NLRP9: variants seen among roughly 807,000 people sequenced by gnomAD.
NLRP9 encodes the protein NACHT, LRR and PYD domains-containing protein 9.
In NLRP9, 88 loss-of-function variants were observed where a neutral mutation model predicts 83.1. The ratio of observed to expected loss-of-function variants is 1.06; its 90% CI spans 0.89 to 1.26. The LOEUF (loss-of-function observed/expected upper bound fraction) is 1.26. NLRP9 is among the 50% of genes most tolerant of loss of function. NLRP9 has a pLI of 0.00. For missense variants in NLRP9, 1,308 were observed against 1,179.3 expected (o/e 1.11, Z -1.60); for synonymous variants, 521 against 447.6 (o/e 1.16, Z -2.07).
intron 5 of NLRP9, among the ~76,000 whole-genome samples, 189 bp from the exon 6 acceptor site, chr19:55,715,414 G>A (rs1987971455): frequency 6.6e-6 from 1 of 152,158 alleles, no homozygotes; most frequent in African/African-American, 2.4e-5. Context: ...GCTGGGTGCG[G>A]TGCCTCACGC....
intron 4 of NLRP9, among the ~76,000 whole-genome samples, chr19:55,722,576 G>A (rs957554855): frequency 3.9e-5 from 6 of 152,186 alleles, no homozygotes; most frequent in Non-Finnish European, 8.8e-5. Context: ...AGAGAGAAGA[G>A]CATATTCTCT....
chr19:55,709,911 C>G (rs572857718), intron 8 of NLRP9: 5 of 152,286 alleles, frequency 3.3e-5, no homozygotes, highest in Admixed American at 2.6e-4. Context: ...CTAACATTTG[C>G]AATTCTCTTC....
chr19:55,733,610 T>C (rs1342828078), intron 1 of NLRP9, 60 bp from the exon 2 acceptor site: 1 of 1,030,084 alleles, frequency 9.7e-7, no homozygotes, highest in South Asian at 1.6e-5. Context: ...TTTATACTTC[T>C]GAGAACTGTA....
chr19:55,712,096 G>A (rs192550268), intron 7 of NLRP9, 126 bp from the exon 8 acceptor site: 1 of 952,366 alleles, frequency 1.1e-6, no homozygotes, highest in African/African-American at 1.6e-5. Context: ...GGGCTTCTCA[G>A]CCAGGACGAT....
In NLRP9 at chr19:55,711,827, T is replaced by C. The variant is rs546026386; in HGVS notation, c.2816A>G (p.His939Arg). 4.3e-6 allele frequency: 7 copies of C among 1,613,260 alleles called. 1 individual carries two copies. In the Admixed American group the frequency reaches 1.2e-4, roughly 27 times the overall value. ...AVVVLCEALS[H>R]PDCALQMLGL... ...CAGCATCTGCAGGGCACAGTCCGGG[T>C]GGCTCAATGCCTCACACAGCACCAC... Residue 939 changes from histidine (H) to arginine (R), a missense_variant, in exon 8 of 9, where the codon CAC (histidine) becomes CGC (arginine). Physicochemically the swap from His to Arg is conservative, Grantham distance 29. Transcript: ENST00000332836.
intron 3 of NLRP9, among the ~76,000 whole-genome samples, chr19:55,726,716 T>C (rs61403851): frequency 6.6e-6 from 1 of 152,186 alleles, no homozygotes; most frequent in African/African-American, 2.4e-5. Flanking sequence ...GTGATGGCAG[T>C]TGAATGATAC....
At chr19:55,717,975 C>A (rs1312005219) in intron 4 of NLRP9, among the ~76,000 whole-genome samples, 2 of 152,302 alleles carry the variant, frequency 1.3e-5, no homozygotes, top group Admixed American at 6.5e-5. Flanking sequence ...ATAAGAAACT[C>A]CACTTTGATC....
chr19:55,716,373 C>T (rs971911779), intron 5 of NLRP9, among the ~76,000 whole-genome samples: 1 of 151,634 alleles, frequency 6.6e-6, no homozygotes, highest in Non-Finnish European at 1.5e-5. Flanking sequence ...ATTCTCCTGC[C>T]TCAGCCTCCC....
At chr19:55,729,778 G>A in intron 3 of NLRP9, 53 bp downstream of exon 3, 1 of 1,490,440 alleles carries the variant, frequency 6.7e-7, no homozygotes, top group Non-Finnish European at 9.2e-7. Flanking sequence ...GGCCACAGTA[G>A]AGAGAAGGAA....
intron 7 of NLRP9, 65 bp downstream of exon 7, chr19:55,712,355 C>T: frequency 2.2e-6 from 3 of 1,378,030 alleles, no homozygotes; most frequent in South Asian, 2.5e-5. Context: ...TTCTATTGAC[C>T]CTCCAGCAAT....
In NLRP9 at chr19:55,729,844, G is replaced by C. The variant is rs745892292; in HGVS notation, c.1981C>G (p.Leu661Val). The change falls in exon 3 of 9, where the codon CTC becomes GTC. Residue 661 changes from leucine to valine, a missense_variant. Leu to Val is a conservative substitution (Grantham distance 32, BLOSUM62 1). Coordinates refer to ENST00000332836, the MANE Select transcript of NLRP9 (RefSeq NM_176820.4). ...CATAAAACTTACATGAGTTTTCGGA[G>C]TTTACAAACAGGCTGAGCCAGCGCT... ...CKALAQPVCK[L>V]RKLIFTSVYF... is the part of the protein sequence containing the mutation. The C allele has an allele frequency of 1.9e-6, 3 of 1,612,076 alleles. No individual in the cohort carries two copies. The highest frequency in any genetic ancestry group is 2.5e-6 in the Non-Finnish European group (3 of 1,179,300).
chr19:55,723,632 G>A (rs1988299513), intron 4 of NLRP9, among the ~76,000 whole-genome samples: 1 of 151,476 alleles, frequency 6.6e-6, no homozygotes, highest in Admixed American at 6.6e-5. Flanking sequence ...AGAGGCTGAG[G>A]TGGGAGGATT....
chr19:55,718,951 CATTT>C (rs530489993), intron 4 of NLRP9, among the ~76,000 whole-genome samples: 1 of 152,318 alleles, frequency 6.6e-6, no homozygotes, highest in African/African-American at 2.4e-5. Flanking sequence ...TTTTTCAGAT[CATTT>C]ATTAAATTGA....
chr19:55,712,122 CG>C (rs1987758131), intron 7 of NLRP9, 152 bp from the exon 8 acceptor site: 1 of 782,886 alleles, frequency 1.3e-6, no homozygotes, highest in Non-Finnish European at 2.0e-6. Context: ...TCCTGGGGGA[CG>C]TATGTCTAGT....
At position 55,724,065 on chromosome 19, in the gene NLRP9, G is replaced by C. The variant is rs1988322762; in HGVS notation, c.2074C>G (p.Leu692Val). 6.2e-7 allele frequency: 1 copy of C among 1,613,486 alleles called. No homozygotes were observed. Among genetic ancestry groups the C allele is most frequent in the African/African-American group, 1.3e-5 (1 of 74,888 alleles). Residue 692 changes from leucine to valine, a missense_variant, in exon 4 of 9, where the codon CTG (leucine) becomes GTG (valine). By Grantham distance (32) the Leu-to-Val change is conservative. Coordinates refer to ENST00000332836, the MANE Select transcript of NLRP9 (RefSeq NM_176820.4). ...LHNPHLKLLS[L>V]YGTSLSQSDI... Reference sequence around the variant, plus strand: ...GACTGGGAGAGGCTAGTGCCGTACAGGCTCAGAAGTTTCAGATGAGGGTTG... The same window carrying C: ...GACTGGGAGAGGCTAGTGCCGTACACGCTCAGAAGTTTCAGATGAGGGTTG...
rs549020626 is a variant in NLRP9 at position 55,721,957 on chromosome 19, C to T, written c.2159+2023G>A. ...AAACCTCTTTCTTTTGTAAATTGCCCAGTGTTGGGTATGTCTATCAGCAGT... is the reference window on the plus strand; with the variant it reads ...AAACCTCTTTCTTTTGTAAATTGCCTAGTGTTGGGTATGTCTATCAGCAGT... On this transcript the variant is annotated intron_variant, in intron 4 of 8. Transcript: ENST00000332836. 1.9e-4 allele frequency among the ~76,000 whole-genome samples: 29 copies of T among 152,246 alleles called. 1 individual carries two copies. The South Asian group carries it at 5.8e-3, about 30-fold the overall frequency.
At position 55,733,257 on chromosome 19, in the gene NLRP9, C is replaced by G. The variant is rs750695294; in HGVS notation, c.574G>C (p.Gly192Arg). The change falls in exon 2 of 9, where the codon GGT (glycine) becomes CGT (arginine). Residue 192 changes from glycine to arginine, a missense_variant. By Grantham distance (125) the Gly-to-Arg change is moderately radical. Transcript: ENST00000332836. Reference protein sequence around the residue: ...VFFLNVCEMNGIAETSLLELL... With the variant: ...VFFLNVCEMNRIAETSLLELL... ...TCCAGTAAGCTGGTCTCTGCGATAC[C>G]GTTCATTTCACAGACATTGAGGAAA... is the stretch of plus-strand genomic sequence containing the variant. The G allele has an allele frequency of 2.5e-6, 4 of 1,613,852 alleles. No individual in the cohort carries two copies. In the South Asian group the frequency reaches 3.3e-5, roughly 13 times the overall value.
intron 3 of NLRP9, among the ~76,000 whole-genome samples, chr19:55,727,126 C>A (rs1048669813): frequency 1.3e-5 from 2 of 152,138 alleles, no homozygotes; most frequent in Non-Finnish European, 2.9e-5. Context: ...GTGGGGGGCA[C>A]CTGTAATCTC....
intron 4 of NLRP9, among the ~76,000 whole-genome samples, chr19:55,721,244 C>T (rs1988216191): frequency 6.6e-6 from 1 of 152,168 alleles, no homozygotes. Context: ...GTATATGGGA[C>T]TTCTCTGTAC....
Sources: gnomAD v4.1 joint callset for allele counts (sites outside exome capture counted in the v4.1 genomes callset) on GRCh38, gnomAD v4.1.1 for gene constraint, MANE v1.5 for transcripts, NCBI Gene and HGNC (gene_info 2026-07-23, HGNC 2026-07-21) for gene names.